ABI1: variants seen among roughly 807,000 people sequenced by gnomAD.
ABI1 encodes abl interactor 1, also known as Abelson interactor 1.
Under a neutral mutation model 54.6 loss-of-function variants are expected in ABI1, and 14 were observed. That is an observed-to-expected ratio of 0.26 (90% CI 0.17 to 0.40). The LOEUF (loss-of-function observed/expected upper bound fraction) is 0.40. Among genes scored for constraint, ABI1 ranks in the 10% least tolerant of loss-of-function variants. The pLI is 1.00. For missense variants in ABI1, 443 were observed against 598.3 expected (o/e 0.74, Z 2.71); for synonymous variants, 194 against 209.3 (o/e 0.93, Z 0.63).
At chr10:26,800,253 C>T (rs1237823236) in intron 2 of ABI1, among the ~76,000 whole-genome samples, 1 of 151,888 alleles carries the variant, frequency 6.6e-6, no homozygotes, top group African/African-American at 2.4e-5. Flanking sequence ...GGCATGGTGG[C>T]GTGTGCCTAC....
Position 26,860,955 on chromosome 10 carries a change from A to C in ABI1, c.-92T>G. ...CCGAGCACCTCACAGCCCGGATACA[A>C]ACCGCCTACCCGCCCTCCCGCCTGG... On this transcript the variant is annotated 5_prime_UTR_variant, in exon 1 of 11. Coordinates refer to ENST00000376140, the MANE Select transcript of ABI1 (RefSeq NM_001012750.3). The surrounding 1 kb of genome is among the most constrained non-coding windows in gnomAD (Gnocchi z 4.1). 8.7e-7 allele frequency: 1 copy of C among 1,147,316 alleles called. No individual in the cohort carries two copies. The highest frequency in any genetic ancestry group is 1.7e-5 in the Admixed American group (1 of 58,340). The allele number at this position is 1,147,316 out of a possible 1,614,324, so 71.1% of individuals were successfully genotyped here.
intron 3 of ABI1, among the ~76,000 whole-genome samples, chr10:26,774,106 C>T (rs1443609844): frequency 7.2e-5 from 11 of 152,224 alleles, no homozygotes; most frequent in South Asian, 6.2e-4. Context: ...GTGTAGTATA[C>T]GCATATAACT....
intron 2 of ABI1, among the ~76,000 whole-genome samples, chr10:26,781,011 A>G (rs1842038738): frequency 6.6e-6 from 1 of 152,204 alleles, no homozygotes; most frequent in Non-Finnish European, 1.5e-5. Flanking sequence ...CAGGGAGATT[A>G]TGCTCACTGC....
At chr10:26,845,398 T>C (rs1209563058) in intron 1 of ABI1, among the ~76,000 whole-genome samples, 1 of 152,170 alleles carries the variant, frequency 6.6e-6, no homozygotes, top group Non-Finnish European at 1.5e-5. Flanking sequence ...ATCGCAGCAC[T>C]TTGGGAGGCT....
intron 1 of ABI1, among the ~76,000 whole-genome samples, chr10:26,845,430 G>A (rs899111376): frequency 6.6e-6 from 1 of 152,010 alleles, no homozygotes; most frequent in Non-Finnish European, 1.5e-5. Flanking sequence ...ATCACCTGAG[G>A]TCAGGAGTTC....
chr10:26,759,771 T>C (rs892928748), intron 7 of ABI1, among the ~76,000 whole-genome samples: 3 of 152,064 alleles, frequency 2.0e-5, no homozygotes, highest in Admixed American at 6.5e-5. Context: ...AAATTTTTAT[T>C]TACTAATATT....
chr10:26,776,445 A>T lies in ABI1; in HGVS notation c.462+620T>A, dbSNP rs545088038. ...CAGAGACAGCGAAAGAATTTTGGTCATTCCAAATGCTTGCAAAATGACCCA... is the reference window on the plus strand; with the variant it reads ...CAGAGACAGCGAAAGAATTTTGGTCTTTCCAAATGCTTGCAAAATGACCCA... On this transcript the variant is annotated intron_variant, in intron 3 of 10. Transcript: ENST00000376140. Among the ~76,000 whole-genome samples the T allele has an allele frequency of 2.6e-5, 4 of 152,342 alleles. No homozygotes were observed. The South Asian group carries it at 8.3e-4, about 32-fold the overall frequency.
At chr10:26,841,960 G>C (rs2049548814) in intron 1 of ABI1, among the ~76,000 whole-genome samples, 1 of 152,094 alleles carries the variant, frequency 6.6e-6, no homozygotes, top group Non-Finnish European at 1.5e-5. Context: ...ATAAGGAATT[G>C]CTGGGTCATA....
At chr10:26,765,367 T>TA (rs533710129) in intron 6 of ABI1, 49 bp from the exon 7 acceptor site, 1,355 of 1,324,136 alleles carry the variant, frequency 1.0e-3, no homozygotes, top group South Asian at 1.5e-3. Context: ...GAGACATATT[T>TA]AAAAAAAAAC....
intron 2 of ABI1, among the ~76,000 whole-genome samples, chr10:26,813,390 AG>A (rs61587082): frequency 0.22 from 12,671 of 56,470 alleles, 549 homozygotes; most frequent in African/African-American, 0.45. Context: ...CCAAGTAGTC[AG>A]TCAGTAAGGA....
At chr10:26,803,576 T>C (rs2046694464) in intron 2 of ABI1, among the ~76,000 whole-genome samples, 1 of 152,222 alleles carries the variant, frequency 6.6e-6, no homozygotes, top group East Asian at 1.9e-4. Flanking sequence ...TTTGACTTTT[T>C]CAGGAAACAG....
chr10:26,770,247 C>T lies in ABI1; in HGVS notation c.576G>A (p.Leu192=). The T allele has an allele frequency of 6.2e-7, 1 of 1,613,024 alleles. No individual in the cohort carries two copies. Among genetic ancestry groups the T allele is most frequent in the Non-Finnish European group, 8.5e-7 (1 of 1,179,026 alleles). Residue 192 remains leucine, a splice_region_variant and synonymous_variant, in exon 5 of 11, where the codon CTG becomes CTA. Coordinates refer to ENST00000376140, the MANE Select transcript of ABI1 (RefSeq NM_001012750.3). Reference sequence around the variant, plus strand: ...GCAAAATGTAGTTGAATTCTTACCCCAGTGTTCCCCGGCCTGACATGGGAG... The same window carrying T: ...GCAAAATGTAGTTGAATTCTTACCCTAGTGTTCCCCGGCCTGACATGGGAG... The part of the protein sequence containing the change: ...PSPPMSGRGT[L]GRNTPYKTLE...
chr10:26,751,183 T>C (rs566314172), intron 10 of ABI1, among the ~76,000 whole-genome samples: 2 of 152,332 alleles, frequency 1.3e-5, no homozygotes, highest in African/African-American at 4.8e-5. Flanking sequence ...CATCATAAAG[T>C]TGAAAAGATC....
chr10:26,798,811 A>G (rs1564514637), intron 2 of ABI1, among the ~76,000 whole-genome samples: 1 of 151,942 alleles, frequency 6.6e-6, no homozygotes, highest in Non-Finnish European at 1.5e-5. Flanking sequence ...AGCTTAGCTT[A>G]TCAATGGTAT....
chr10:26,834,100 C>G (rs1044723372), intron 1 of ABI1, among the ~76,000 whole-genome samples: 2 of 152,102 alleles, frequency 1.3e-5, no homozygotes, highest in South Asian at 4.2e-4. Context: ...CGTGGTGGTA[C>G]ACGCCTGTAA....
chr10:26,810,935 G>A (rs1344868288), intron 2 of ABI1, among the ~76,000 whole-genome samples: 2 of 151,792 alleles, frequency 1.3e-5, no homozygotes, highest in African/African-American at 2.4e-5. Context: ...AAGGGGAAGA[G>A]GGAGAGAGGA....
Position 26,764,023 on chromosome 10 carries a change from A to T in ABI1, c.820+1195T>A. ...AAAAGAAAACTCAACATTTTGAAAC[A>T]GCAAGAAAGTACAATGTATCGGGAA... On this transcript the variant is annotated intron_variant, in intron 7 of 10. Transcript: ENST00000376140. 5 of 1,287,126 alleles carry T rather than the reference A, an allele frequency of 3.9e-6. No individual in the cohort carries two copies. In the East Asian group the frequency reaches 1.2e-4, roughly 30 times the overall value. The allele number at this position is 1,287,126 out of a possible 1,614,324, so 79.7% of individuals were successfully genotyped here.
intron 2 of ABI1, among the ~76,000 whole-genome samples, chr10:26,790,292 C>G (rs1438771618): frequency 6.6e-6 from 1 of 152,150 alleles, no homozygotes; most frequent in African/African-American, 2.4e-5. Context: ...TCGCCAGCAT[C>G]TGTTATTTTT....
chr10:26,820,147 T>G (rs1046035864), intron 2 of ABI1, among the ~76,000 whole-genome samples: 2 of 152,212 alleles, frequency 1.3e-5, no homozygotes, highest in Non-Finnish European at 2.9e-5. Flanking sequence ...TATAGGGTTG[T>G]AGACTTGAAA....
Sources: gnomAD v4.1 joint callset for allele counts (sites outside exome capture counted in the v4.1 genomes callset) on GRCh38, gnomAD v4.1.1 for gene constraint, Gnocchi (gnomAD v3.1) non-coding constraint, MANE v1.5 for transcripts, NCBI Gene and HGNC (gene_info 2026-07-23, HGNC 2026-07-21) for gene names.